AFF3: variants seen among roughly 807,000 people sequenced by gnomAD.
AFF3 encodes AF4/FMR2 family member 3.
A neutral mutation model predicts 129.7 loss-of-function variants in AFF3; 32 were observed. That is an observed-to-expected ratio of 0.25 (90% CI 0.19 to 0.33). The LOEUF is 0.33. Among genes scored for constraint, AFF3 ranks in the 10% least tolerant of loss-of-function variants. The probability of loss-of-function intolerance (pLI) is 1.00; values close to 1 mark genes in which losing one functional copy is unlikely to be tolerated. For missense variants in AFF3, 1,373 were observed against 1,592.0 expected, an observed-to-expected ratio of 0.86 and a Z score of 2.34; for synonymous variants, 644 against 635.4, an observed-to-expected ratio of 1.01 and a Z score of -0.20.
intron 13 of AFF3, among the ~76,000 whole-genome samples, chr2:99,648,907 A>ACTCT (rs1464965146): frequency 5.1e-5 from 2 of 39,242 alleles, no homozygotes; most frequent in African/African-American, 1.3e-4. Context: ...ACACACACAC[A>ACTCT]CACACACACA....
chr2:99,851,689 T>TTA (rs1690155648), intron 7 of AFF3, among the ~76,000 whole-genome samples: 1 of 152,214 alleles, frequency 6.6e-6, no homozygotes, highest in Non-Finnish European at 1.5e-5. Flanking sequence ...GAAACTCTAA[T>TTA]ATCTATAAAG....
chr2:100,141,345 C>T (rs1222388472), intron 1 of AFF3, among the ~76,000 whole-genome samples: 1 of 152,180 alleles, frequency 6.6e-6, no homozygotes, highest in Non-Finnish European at 1.5e-5. Flanking sequence ...GAAACACAAC[C>T]AAAACTAAGA....
At chr2:100,112,697 AG>A (rs1400769811) in intron 2 of AFF3, among the ~76,000 whole-genome samples, 3 of 152,116 alleles carry the variant, frequency 2.0e-5, no homozygotes, top group Non-Finnish European at 4.4e-5. Context: ...CTCCAATGGA[AG>A]AAAAAAAGAA....
At chr2:100,018,542 GATAA>G (rs1473006117) in intron 4 of AFF3, among the ~76,000 whole-genome samples, 2 of 152,168 alleles carry the variant, frequency 1.3e-5, no homozygotes, top group Non-Finnish European at 2.9e-5. Flanking sequence ...ATTGTTCCAT[GATAA>G]ATAAACTGCC....
chr2:100,038,209 AC>A (rs1305931151), intron 4 of AFF3, among the ~76,000 whole-genome samples: 2 of 152,056 alleles, frequency 1.3e-5, no homozygotes, highest in Non-Finnish European at 2.9e-5. Context: ...CTGGGCTGGC[AC>A]ATCTAAGCCC....
At chr2:100,111,218 C>G (rs904198911) in intron 2 of AFF3, among the ~76,000 whole-genome samples, 1 of 152,220 alleles carries the variant, frequency 6.6e-6, no homozygotes, top group African/African-American at 2.4e-5. Context: ...TGCAGCTAAC[C>G]CATTAGAGAA....
intron 8 of AFF3, among the ~76,000 whole-genome samples, chr2:99,767,758 C>T (rs753529641): frequency 6.6e-5 from 10 of 152,122 alleles, no homozygotes; most frequent in Non-Finnish European, 1.5e-4. Context: ...GAGATTGAGA[C>T]CACGGTGAAA....
At chr2:99,845,712 C>A (rs984074413) in intron 7 of AFF3, among the ~76,000 whole-genome samples, 10 of 152,162 alleles carry the variant, frequency 6.6e-5, no homozygotes, top group Admixed American at 5.9e-4. Context: ...CAGGTTCAGG[C>A]AGGAGTGACA....
intron 8 of AFF3, among the ~76,000 whole-genome samples, chr2:99,828,418 T>C (rs879858085): frequency 1.3e-5 from 2 of 152,180 alleles, no homozygotes; most frequent in Non-Finnish European, 2.9e-5. Flanking sequence ...GATCCAGACC[T>C]CCAGCACTGG....
chr2:99,856,549 T>G (rs1050178376), intron 7 of AFF3, among the ~76,000 whole-genome samples: 1 of 152,230 alleles, frequency 6.6e-6, no homozygotes, highest in Admixed American at 6.5e-5. Flanking sequence ...CATTGAAGCA[T>G]TACATTAGTA....
intron 2 of AFF3, among the ~76,000 whole-genome samples, chr2:100,116,890 G>T (rs963918356): frequency 6.6e-5 from 10 of 151,888 alleles, no homozygotes; most frequent in Non-Finnish European, 1.3e-4. Flanking sequence ...ATTTTTCTTT[G>T]TTTCTTTCAG....
intron 4 of AFF3, among the ~76,000 whole-genome samples, chr2:100,014,655 G>C (rs987566879): frequency 6.6e-6 from 1 of 152,080 alleles, no homozygotes; most frequent in African/African-American, 2.4e-5. Flanking sequence ...GAAAACGGCA[G>C]GTTAAGGAGA....
chr2:99,553,939 A>G (rs1050350905), intron 24 of AFF3, among the ~76,000 whole-genome samples: 6 of 148,950 alleles, frequency 4.0e-5, no homozygotes, highest in Non-Finnish European at 7.4e-5. Flanking sequence ...AAAAAAAAAA[A>G]AAGAAAAAGA....
chr2:99,560,021 G>C (rs1160456523), intron 21 of AFF3, among the ~76,000 whole-genome samples: 3 of 152,192 alleles, frequency 2.0e-5, no homozygotes. Context: ...AGCACTCTGG[G>C]AGGCTGAGGC....
At chr2:99,833,130 G>C (rs945552546) in intron 8 of AFF3, among the ~76,000 whole-genome samples, 2 of 152,122 alleles carry the variant, frequency 1.3e-5, no homozygotes, top group Admixed American at 6.6e-5. Flanking sequence ...GGCTTCTCTT[G>C]TCCCACCATC....
intron 10 of AFF3, among the ~76,000 whole-genome samples, chr2:99,732,550 T>C (rs1489979090): frequency 1.3e-5 from 2 of 152,200 alleles, no homozygotes; most frequent in Non-Finnish European, 2.9e-5. Context: ...GAATTTTAGA[T>C]TTAGCCATCA....
intron 7 of AFF3, among the ~76,000 whole-genome samples, chr2:99,939,856 G>A (rs1371002453): frequency 6.6e-6 from 1 of 152,048 alleles, no homozygotes; most frequent in African/African-American, 2.4e-5. Context: ...TTTTCCGCTG[G>A]GATAGTTTTA....
intron 8 of AFF3, among the ~76,000 whole-genome samples, chr2:99,812,906 A>T (rs1036284004): frequency 6.6e-6 from 1 of 152,168 alleles, no homozygotes; most frequent in African/African-American, 2.4e-5. Flanking sequence ...GCATTCCCAG[A>T]TGACTCTGCA....
chr2:99,985,197 A>C (rs1244925062), intron 7 of AFF3, among the ~76,000 whole-genome samples: 2 of 152,264 alleles, frequency 1.3e-5, no homozygotes, highest in Non-Finnish European at 2.9e-5. Flanking sequence ...AAAAATATCC[A>C]GTCAATAATA....
Sources: allele counts gnomAD v4.1 joint callset (sites outside exome capture counted in the v4.1 genomes callset), GRCh38; gene constraint gnomAD v4.1.1; transcripts MANE v1.5; gene names NCBI Gene and HGNC (gene_info 2026-07-23, HGNC 2026-07-21).